AKT3: variants seen among roughly 807,000 people sequenced by gnomAD.
AKT3 encodes RAC-gamma serine/threonine-protein kinase.
A neutral mutation model predicts 65.3 loss-of-function variants in AKT3; 15 were observed. The observed-to-expected ratio is 0.23, with a 90% confidence interval of 0.15 to 0.35. The LOEUF is 0.35. Ranked by LOEUF, AKT3 falls within the 10% of genes least tolerant of loss-of-function variation. AKT3 has a pLI of 1.00. For synonymous variants in AKT3, 206 were observed against 183.8 expected (o/e 1.12, Z -0.98); for missense variants, 243 against 576.5 (o/e 0.42, Z 5.92).
intron 2 of AKT3, among the ~76,000 whole-genome samples, chr1:243,786,564 G>A (rs1691275180): frequency 6.6e-6 from 1 of 152,070 alleles, no homozygotes. Context: ...ATTAGCAAAA[G>A]TTAACTAGTA....
chr1:243,660,396 C>T (rs899495485), intron 4 of AKT3, among the ~76,000 whole-genome samples: 9 of 152,086 alleles, frequency 5.9e-5, no homozygotes, highest in African/African-American at 2.2e-4. Context: ...GGATGCAAGG[C>T]TGGTTCAATA....
chr1:243,824,292 A>C (rs1465015425), intron 2 of AKT3, among the ~76,000 whole-genome samples: 3 of 152,196 alleles, frequency 2.0e-5, no homozygotes, highest in Non-Finnish European at 2.9e-5. Flanking sequence ...CATAAAACCC[A>C]AAACTATAAA....
intron 2 of AKT3, chr1:243,739,400 T>G (rs1309525317): frequency 6.6e-6 from 1 of 152,180 alleles, no homozygotes; most frequent in Non-Finnish European, 1.5e-5. Flanking sequence ...CAATAACTTA[T>G]GTGAAATGTA....
chr1:243,699,514 A>ATATAT (rs1685304874), intron 2 of AKT3, among the ~76,000 whole-genome samples: 3 of 96,742 alleles, frequency 3.1e-5, no homozygotes, highest in African/African-American at 1.6e-4. Flanking sequence ...TATATATATA[A>ATATAT]TCTTCATGGG....
At chr1:243,795,681 C>T (rs938021792) in intron 2 of AKT3, among the ~76,000 whole-genome samples, 47 of 151,128 alleles carry the variant, frequency 3.1e-4, no homozygotes, top group Non-Finnish European at 1.2e-4. Context: ...CCGTTTTAGC[C>T]GGGATGGTCT....
intron 2 of AKT3, among the ~76,000 whole-genome samples, chr1:243,799,501 T>C (rs1692253302): frequency 6.6e-6 from 1 of 152,182 alleles, no homozygotes; most frequent in East Asian, 1.9e-4. Context: ...AGAAACATAG[T>C]TTTAGTCAAT....
At chr1:243,745,403 ATTTAT>A (rs1303401566) in intron 2 of AKT3, among the ~76,000 whole-genome samples, 2 of 152,160 alleles carry the variant, frequency 1.3e-5, no homozygotes, top group Non-Finnish European at 2.9e-5. Context: ...TGTCAAAATT[ATTTAT>A]TTTAAAATGA....
intron 3 of AKT3, among the ~76,000 whole-genome samples, chr1:243,671,510 G>A (rs1683156809): frequency 6.6e-6 from 1 of 152,134 alleles, no homozygotes; most frequent in Non-Finnish European, 1.5e-5. Context: ...GGGACAAAAA[G>A]CATTTCTATC....
rs543807011 is a variant in AKT3, at chr1:243,733,355, A to T, written c.47-37639T>A. Among the ~76,000 whole-genome samples the T allele has an allele frequency of 7.9e-5, 12 of 152,326 alleles. No homozygotes were observed. In the East Asian group the frequency reaches 2.3e-3, roughly 29 times the overall value. On this transcript the variant is annotated intron_variant, in intron 2 of 13. Transcript: ENST00000673466. ...TGTAGTATTAACTGACTAGAAGAGGAAAAGGGGAAATATTCTAAAAGTCTA... is the reference window on the plus strand; with the variant it reads ...TGTAGTATTAACTGACTAGAAGAGGTAAAGGGGAAATATTCTAAAAGTCTA...
At position 243,707,946 on chromosome 1, in the gene AKT3, C is replaced by T. The variant is rs139746546; in HGVS notation, c.47-12230G>A. 4.9e-3 allele frequency among the ~76,000 whole-genome samples: 751 copies of T among 152,168 alleles called. 5 individuals are homozygous for T. The highest frequency in any genetic ancestry group is 0.017 in the African/African-American group (704 of 41,540). On this transcript the variant is annotated intron_variant, in intron 2 of 13. Coordinates refer to ENST00000673466, the MANE Select transcript of AKT3 (RefSeq NM_005465.7). ...ATTATATTTGAAAGATGTGATTATG[C>T]TTAAGTTTTTAAAACTGAAGGGAAT...
At chr1:243,551,745 T>A (rs1023622796) in intron 11 of AKT3, among the ~76,000 whole-genome samples, 8 of 152,106 alleles carry the variant, frequency 5.3e-5, no homozygotes, top group South Asian at 2.1e-4. Context: ...TATATCCATA[T>A]ACAAACACAC....
chr1:243,816,361 C>G (rs926204714), intron 2 of AKT3, among the ~76,000 whole-genome samples: 6 of 152,058 alleles, frequency 3.9e-5, no homozygotes, highest in African/African-American at 1.4e-4. Context: ...TGATCAAAAG[C>G]TGAGGGTATC....
chr1:243,623,779 C>CCAGA (rs1158171214), intron 6 of AKT3, among the ~76,000 whole-genome samples: 1 of 152,180 alleles, frequency 6.6e-6, no homozygotes, highest in African/African-American at 2.4e-5. Flanking sequence ...GATGGCCTGT[C>CCAGA]TTGGGAATTT....
chr1:243,609,334 C>CTGTCTGTG (rs905591243), intron 8 of AKT3, among the ~76,000 whole-genome samples: 1 of 148,070 alleles, frequency 6.8e-6, no homozygotes, highest in Non-Finnish European at 1.5e-5. Flanking sequence ...TTTTCATTTT[C>CTGTCTGTG]TGTGTGTGTG....
At chr1:243,708,209 T>C (rs927014944) in intron 2 of AKT3, among the ~76,000 whole-genome samples, 1 of 152,058 alleles carries the variant, frequency 6.6e-6, no homozygotes, top group Non-Finnish European at 1.5e-5. Context: ...TTAAATGATA[T>C]CGTCGAATTG....
chr1:243,836,557 C>CA (rs898409896), intron 2 of AKT3, among the ~76,000 whole-genome samples: 2 of 151,360 alleles, frequency 1.3e-5, no homozygotes, highest in Non-Finnish European at 2.9e-5. Context: ...ACTATACCCC[C>CA]AAAAAATAAA....
chr1:243,610,372 T>A (rs141352043), intron 8 of AKT3, among the ~76,000 whole-genome samples: 1 of 152,188 alleles, frequency 6.6e-6, no homozygotes, highest in Admixed American at 6.5e-5. Flanking sequence ...GGTTATACCG[T>A]GAACAAGCCT....
At chr1:243,679,523 A>C (rs1558711959) in intron 3 of AKT3, among the ~76,000 whole-genome samples, 1 of 152,132 alleles carries the variant, frequency 6.6e-6, no homozygotes, top group Non-Finnish European at 1.5e-5. Flanking sequence ...AAAGTTCTGT[A>C]AGTGACAGAT....
intron 8 of AKT3, among the ~76,000 whole-genome samples, chr1:243,576,668 G>C (rs2345282): frequency 0.22 from 33,822 of 152,050 alleles, 4,024 homozygotes; most frequent in African/African-American, 0.29. Flanking sequence ...CAGCTAACAA[G>C]GGAAGTGAAG....
Sources: allele counts gnomAD v4.1 joint callset (sites outside exome capture counted in the v4.1 genomes callset), GRCh38; gene constraint gnomAD v4.1.1; transcripts MANE v1.5; gene names NCBI Gene and HGNC (gene_info 2026-07-23, HGNC 2026-07-21).